The following MBTD1 variants were observed in gnomAD, a reference collection of about 807,000 sequenced individuals.
MBTD1 encodes the protein MBT domain-containing protein 1.
A neutral mutation model predicts 87.8 loss-of-function variants in MBTD1; 24 were observed. The ratio of observed to expected loss-of-function variants is 0.27; its 90% CI spans 0.20 to 0.38. The LOEUF (loss-of-function observed/expected upper bound fraction) is 0.38. MBTD1 is among the 10% of genes least tolerant of loss of function. MBTD1 has a pLI of 1.00. For missense variants in MBTD1, 436 were observed against 760.2 expected (o/e 0.57, Z 5.02); for synonymous variants, 237 against 248.6 (o/e 0.95, Z 0.44).
At chr17:51,225,524 G>GTA (rs2053163187) in intron 2 of MBTD1, among the ~76,000 whole-genome samples, 1 of 146,044 alleles carries the variant, frequency 6.8e-6, no homozygotes, top group African/African-American at 2.7e-5. Flanking sequence ...AAACATTTTT[G>GTA]TGTTTTTTTT....
intron 2 of MBTD1, among the ~76,000 whole-genome samples, chr17:51,232,626 A>C (rs1286944880): frequency 1.3e-5 from 2 of 152,340 alleles, no homozygotes; most frequent in East Asian, 3.9e-4. Flanking sequence ...TGTCAAAATA[A>C]GAGAACAGAA....
intron 4 of MBTD1, 99 bp downstream of exon 4, chr17:51,220,231 G>A: frequency 8.8e-7 from 1 of 1,136,300 alleles, no homozygotes. Flanking sequence ...ATAACTGAGT[G>A]GGCAGAGGTG....
chr17:51,253,512 GACTC>G (rs952076284), intron 2 of MBTD1, among the ~76,000 whole-genome samples: 18 of 152,004 alleles, frequency 1.2e-4, no homozygotes, highest in African/African-American at 3.9e-4. Context: ...ATCACAATAT[GACTC>G]ACTTTTTATT....
chr17:51,181,006 G>A (rs2050281109), intron 16 of MBTD1, among the ~76,000 whole-genome samples: 1 of 149,122 alleles, frequency 6.7e-6, no homozygotes, highest in East Asian at 2.0e-4. Context: ...TTCTTTCATG[G>A]TTCTGAAGTA....
intron 2 of MBTD1, among the ~76,000 whole-genome samples, chr17:51,253,122 C>T (rs1400269936): frequency 6.6e-6 from 1 of 151,900 alleles, no homozygotes; most frequent in Non-Finnish European, 1.5e-5. Context: ...GTATACAGTA[C>T]ATTAAAAAAT....
At chr17:51,240,512 T>C (rs1181849980) in intron 2 of MBTD1, among the ~76,000 whole-genome samples, 2 of 152,326 alleles carry the variant, frequency 1.3e-5, no homozygotes, top group East Asian at 3.9e-4. Context: ...ATTTGTCTGA[T>C]AGTTTCTTCA....
intron 16 of MBTD1, chr17:51,184,340 T>G (rs1232970945): frequency 2.0e-5 from 3 of 152,264 alleles, no homozygotes; most frequent in African/African-American, 4.8e-5. Flanking sequence ...GGAAGTCACT[T>G]TGTTGACACT....
rs35397252 is a variant in MBTD1 at position 51,182,125 on chromosome 17, ATTTT to A, written c.1769-1435_1769-1432del. 4.5e-5 allele frequency among the ~76,000 whole-genome samples: 6 copies of A among 134,678 alleles called. No homozygotes were observed. In the South Asian group the frequency reaches 1.2e-3, roughly 26 times the overall value. 88.4% of individuals were successfully genotyped at this position (134,678 alleles called of 152,430 possible). A position where few individuals can be genotyped will look rare whatever the true frequency, so the allele number is the denominator to read the frequency against. ...TTCCACTCCTGCCTGGGCCCTGTGCATTTTTTTTTTTTTTTTTGAGACATAGTCT... is the reference window on the plus strand; with the variant it reads ...TTCCACTCCTGCCTGGGCCCTGTGCATTTTTTTTTTTTTGAGACATAGTCT... On this transcript the variant is annotated intron_variant, in intron 16 of 16. Coordinates refer to ENST00000586178, the MANE Select transcript of MBTD1 (RefSeq NM_017643.3).
At position 51,206,736 on chromosome 17, in the gene MBTD1, G is replaced by A. The variant is rs1405211368; in HGVS notation, c.604+152C>T. On this transcript the variant is annotated intron_variant, in intron 7 of 16. Coordinates refer to ENST00000586178, the MANE Select transcript of MBTD1 (RefSeq NM_017643.3). ...CTGCAAAGTTGAAAATATTTGTTTG[G>A]CTTTTCACAGAAAACAATTTGCCAA... 7.2e-6 allele frequency: 4 copies of A among 558,468 alleles called. No individual in the cohort carries two copies. The East Asian group carries it at 8.8e-5, about 12-fold the overall frequency. The allele number at this position is 558,468 out of a possible 1,614,324, so 34.6% of individuals were successfully genotyped here.
At chr17:51,193,983 CT>C (rs1208948132) in intron 13 of MBTD1, among the ~76,000 whole-genome samples, 2 of 152,192 alleles carry the variant, frequency 1.3e-5, no homozygotes, top group East Asian at 3.8e-4. Context: ...CCTCCCCTCT[CT>C]AGAAACACTG....
At chr17:51,252,806 T>C (rs1156429977) in intron 2 of MBTD1, among the ~76,000 whole-genome samples, 3 of 152,170 alleles carry the variant, frequency 2.0e-5, no homozygotes, top group South Asian at 4.2e-4. Context: ...GTCTTGAATG[T>C]AGGGAGATGG....
chr17:51,198,047 C>T (rs1002145996), intron 12 of MBTD1, among the ~76,000 whole-genome samples: 14 of 152,180 alleles, frequency 9.2e-5, no homozygotes, highest in Admixed American at 4.6e-4. Context: ...TGCCTCTCTT[C>T]CAGTGTCTCG....
chr17:51,225,401 T>C (rs1230841321), intron 2 of MBTD1, among the ~76,000 whole-genome samples, 192 bp from the exon 3 acceptor site: 1 of 151,886 alleles, frequency 6.6e-6, no homozygotes, highest in African/African-American at 2.4e-5. Flanking sequence ...TCACCCAGGC[T>C]GGAGTGCAGT....
intron 4 of MBTD1, among the ~76,000 whole-genome samples, chr17:51,219,610 T>C (rs1012364401): frequency 6.6e-6 from 1 of 152,228 alleles, no homozygotes; most frequent in Non-Finnish European, 1.5e-5. Context: ...ATCTAAGTGA[T>C]GTATTTCCTT....
chr17:51,217,453 A>G, intron 5 of MBTD1, 37 bp from the exon 6 acceptor site: 1 of 986,476 alleles, frequency 1.0e-6, no homozygotes, highest in Non-Finnish European at 1.5e-6. Flanking sequence ...TATAATTCTC[A>G]AATCTTTTAT....
chr17:51,236,426 G>T (rs185791702), intron 2 of MBTD1, among the ~76,000 whole-genome samples: 32 of 152,150 alleles, frequency 2.1e-4, no homozygotes, highest in African/African-American at 7.7e-4. Flanking sequence ...TTTATTTTTA[G>T]TAGAGACAGG....
intron 10 of MBTD1, 112 bp downstream of exon 10, chr17:51,202,589 A>T: frequency 1.2e-6 from 1 of 812,856 alleles, no homozygotes; most frequent in East Asian, 2.5e-5. Context: ...GAAGCAGCCC[A>T]AACAACTAGA....
At chr17:51,209,082 G>A (rs2052021432) in intron 6 of MBTD1, among the ~76,000 whole-genome samples, 6 of 152,240 alleles carry the variant, frequency 3.9e-5, no homozygotes. Flanking sequence ...CACGGTCATA[G>A]CATAGTATGT....
chr17:51,182,619 G>C (rs2050367228), intron 16 of MBTD1, among the ~76,000 whole-genome samples: 1 of 152,136 alleles, frequency 6.6e-6, no homozygotes, highest in Non-Finnish European at 1.5e-5. Context: ...GTCCACCACA[G>C]AGCTCACTGC....
Sources: gnomAD v4.1 joint callset for allele counts (sites outside exome capture counted in the v4.1 genomes callset) on GRCh38, gnomAD v4.1.1 for gene constraint, MANE v1.5 for transcripts, NCBI Gene and HGNC (gene_info 2026-07-23, HGNC 2026-07-21) for gene names.